The following ALK variants were observed in gnomAD, a reference collection of about 807,000 sequenced individuals.
The protein encoded by ALK is ALK tyrosine kinase receptor.
Under a neutral mutation model 163.1 loss-of-function variants are expected in ALK, and 74 were observed. That is an observed-to-expected ratio of 0.45 (90% CI 0.38 to 0.55). The LOEUF (loss-of-function observed/expected upper bound fraction) is 0.55, where lower values mean the gene tolerates loss of function less well. Among genes scored for constraint, ALK ranks in the 20% least tolerant of loss-of-function variants. The pLI is 0.00. For missense variants in ALK, 2,063 were observed against 2,105.3 expected, an observed-to-expected ratio of 0.98 and a Z score of 0.39; for synonymous variants, 960 against 843.2, an observed-to-expected ratio of 1.14 and a Z score of -2.40.
chr2:29,607,384 T>A (rs1405037921), intron 3 of ALK, among the ~76,000 whole-genome samples: 1 of 152,150 alleles, frequency 6.6e-6, no homozygotes. Flanking sequence ...AAAATCACAT[T>A]CCTATCCAGC....
intron 4 of ALK, among the ~76,000 whole-genome samples, chr2:29,452,969 G>C (rs1261888871): frequency 6.6e-6 from 1 of 152,198 alleles, no homozygotes; most frequent in Non-Finnish European, 1.5e-5. Context: ...TGTCATACAT[G>C]GGAGGAAAAT....
intron 5 of ALK, among the ~76,000 whole-genome samples, chr2:29,370,090 T>G (rs866710600): frequency 6.6e-6 from 1 of 152,218 alleles, no homozygotes; most frequent in Non-Finnish European, 1.5e-5. Context: ...GATCCTGTGA[T>G]GGTAAGACAA....
intron 4 of ALK, among the ~76,000 whole-genome samples, chr2:29,519,187 C>A (rs566454881): frequency 2.2e-4 from 34 of 152,164 alleles, no homozygotes; most frequent in Admixed American, 1.6e-3. Context: ...GGAGCTAAAG[C>A]TGCTGTACAA....
At chr2:29,370,019 G>T (rs1490572927) in intron 5 of ALK, among the ~76,000 whole-genome samples, 1 of 152,196 alleles carries the variant, frequency 6.6e-6, no homozygotes, top group Non-Finnish European at 1.5e-5. Context: ...CTTGGGGAGA[G>T]AGAGTGTGCA....
At chr2:29,703,891 A>G (rs1558450257) in intron 2 of ALK, among the ~76,000 whole-genome samples, 1 of 152,184 alleles carries the variant, frequency 6.6e-6, no homozygotes, top group Non-Finnish European at 1.5e-5. Flanking sequence ...AGTCCTTCAC[A>G]TACAGTGTGG....
At chr2:29,418,251 T>C (rs114712154) in intron 4 of ALK, among the ~76,000 whole-genome samples, 249 of 152,296 alleles carry the variant, frequency 1.6e-3, no homozygotes, top group Middle Eastern at 3.4e-3. Flanking sequence ...CTCTGTCTGG[T>C]GTAACTCCTG....
At chr2:29,578,481 G>T (rs930033134) in intron 3 of ALK, among the ~76,000 whole-genome samples, 1 of 152,304 alleles carries the variant, frequency 6.6e-6, no homozygotes, top group Admixed American at 6.5e-5. Flanking sequence ...TGCTGATGCC[G>T]AAAGGGTCTT....
chr2:29,588,955 G>A (rs1674969114), intron 3 of ALK, among the ~76,000 whole-genome samples: 1 of 152,176 alleles, frequency 6.6e-6, no homozygotes, highest in Non-Finnish European at 1.5e-5. Flanking sequence ...TGGTGAACAA[G>A]CCCCTCGCTC....
At chr2:29,623,428 A>G (rs2148230882) in intron 3 of ALK, among the ~76,000 whole-genome samples, 1 of 152,336 alleles carries the variant, frequency 6.6e-6, no homozygotes, top group African/African-American at 2.4e-5. Context: ...ACATTAAATG[A>G]AAATGACATA....
intron 12 of ALK, among the ~76,000 whole-genome samples, chr2:29,245,382 C>A (rs1440793906): frequency 7.4e-6 from 1 of 135,478 alleles, no homozygotes; most frequent in Non-Finnish European, 1.6e-5. Context: ...GTGCCCTGCA[C>A]ACAGTAGGGG....
rs544748306 is a variant in ALK, at chr2:29,704,586, T to TA, written c.788-9573dup. ...TTTCTTGAATAAATTGGCAAAAACA[T>TA]ATATGGCTACGTTTCAAATATCTCC... On this transcript the variant is annotated intron_variant, in intron 2 of 28. Coordinates refer to ENST00000389048, the MANE Select transcript of ALK (RefSeq NM_004304.5). Among the ~76,000 whole-genome samples, 590 of 152,328 alleles carry TA rather than the reference T, an allele frequency of 3.9e-3. 1 individual carries two copies. The highest frequency in any genetic ancestry group is 6.4e-3 in the Admixed American group (98 of 15,302).
intron 1 of ALK, among the ~76,000 whole-genome samples, chr2:29,905,436 A>G (rs1374411862): frequency 6.6e-6 from 1 of 152,222 alleles, no homozygotes; most frequent in Non-Finnish European, 1.5e-5. Flanking sequence ...AGATATATCA[A>G]ATCTGCATTT....
At chr2:29,919,035 T>A (rs1572501716) in intron 1 of ALK, among the ~76,000 whole-genome samples, 2 of 152,248 alleles carry the variant, frequency 1.3e-5, no homozygotes, top group South Asian at 4.1e-4. Flanking sequence ...TGGAAAGAGT[T>A]AGAAGTAAGT....
chr2:29,692,641 G>A (rs114817864), intron 3 of ALK, among the ~76,000 whole-genome samples: 422 of 152,350 alleles, frequency 2.8e-3, no homozygotes, highest in African/African-American at 9.7e-3. Context: ...AGGAGGCGGA[G>A]CTCAGGCAGT....
intron 1 of ALK, among the ~76,000 whole-genome samples, chr2:29,799,163 A>C (rs1414528083): frequency 1.3e-5 from 2 of 152,210 alleles, no homozygotes; most frequent in African/African-American, 4.8e-5. Context: ...TTACTATAAA[A>C]ACCAACAAAC....
chr2:29,574,277 G>T (rs1026941782), intron 3 of ALK, among the ~76,000 whole-genome samples: 4 of 152,128 alleles, frequency 2.6e-5, no homozygotes, highest in African/African-American at 9.7e-5. Flanking sequence ...GGCTGAGCAG[G>T]GCCATGACAC....
intron 3 of ALK, among the ~76,000 whole-genome samples, chr2:29,609,015 C>G (rs1299919133): frequency 2.0e-5 from 3 of 152,178 alleles, no homozygotes; most frequent in Non-Finnish European, 4.4e-5. Flanking sequence ...CCTCCACCTG[C>G]TGGGTTCCAG....
intron 8 of ALK, among the ~76,000 whole-genome samples, chr2:29,304,145 C>T (rs1666441315): frequency 1.3e-5 from 2 of 152,190 alleles, no homozygotes; most frequent in South Asian, 4.1e-4. Flanking sequence ...TCAGTGGTTT[C>T]CTGCTTAGAG....
chr2:29,407,041 C>G (rs879376807), intron 4 of ALK, among the ~76,000 whole-genome samples: 2 of 152,182 alleles, frequency 1.3e-5, no homozygotes, highest in Non-Finnish European at 2.9e-5. Flanking sequence ...TCCTGATTAG[C>G]AGCACATCTT....
Sources: gnomAD v4.1 joint callset for allele counts (sites outside exome capture counted in the v4.1 genomes callset) on GRCh38, gnomAD v4.1.1 for gene constraint, MANE v1.5 for transcripts, NCBI Gene and HGNC (gene_info 2026-07-23, HGNC 2026-07-21) for gene names.